Variants in INSR observed in about 807,000 individuals in gnomAD.
INSR encodes IR.
In INSR, 67 loss-of-function variants were observed where a neutral mutation model predicts 142.6. That is an observed-to-expected ratio of 0.47 (90% CI 0.39 to 0.58). INSR has a LOEUF of 0.58. INSR is among the 20% of genes least tolerant of loss of function. INSR has a pLI of 0.00. For synonymous variants in INSR, 756 were observed against 743.1 expected (o/e 1.02, Z -0.28); for missense variants, 1,248 against 1,833.2 (o/e 0.68, Z 5.83).
rs1289959291 is a variant in INSR, at chr19:7,225,640, A to G, written c.653-41003T>C. ...GTCTAGGGACGTGGTTTTTGTCGGTAGCATGGCAGTGTCAAACCACAGAGC... is the reference window on the plus strand; with the variant it reads ...GTCTAGGGACGTGGTTTTTGTCGGTGGCATGGCAGTGTCAAACCACAGAGC... On this transcript the variant is annotated intron_variant, in intron 2 of 21. Coordinates refer to ENST00000302850, the MANE Select transcript of INSR (RefSeq NM_000208.4). The surrounding 1 kb of genome is among the most constrained non-coding windows in gnomAD (Gnocchi z 4.7). 6.6e-6 allele frequency among the ~76,000 whole-genome samples: 1 copy of G among 152,150 alleles called. No individual in the cohort carries two copies. The highest frequency in any genetic ancestry group is 2.4e-5 in the African/African-American group (1 of 41,446).
intron 2 of INSR, among the ~76,000 whole-genome samples, chr19:7,233,668 C>CTTTTTTTTTTTTTT (rs35763064): frequency 2.5e-4 from 18 of 72,408 alleles, no homozygotes; most frequent in Non-Finnish European, 3.6e-4. Context: ...CTTTTTCTGT[C>CTTTTTTTTTTTTTT]TTTTTTTTTT....
intron 2 of INSR, among the ~76,000 whole-genome samples, chr19:7,244,092 C>G (rs1458701669): frequency 6.6e-6 from 1 of 152,100 alleles, no homozygotes; most frequent in Non-Finnish European, 1.5e-5. Context: ...ACCTACCAAT[C>G]AATTTCACTA....
chr19:7,180,573 G>A (rs1287564638), intron 3 of INSR, among the ~76,000 whole-genome samples: 2 of 149,128 alleles, frequency 1.3e-5, no homozygotes, highest in Admixed American at 6.7e-5. Flanking sequence ...GTGACAAATC[G>A]AAGAGTTAAA....
chr19:7,161,507 C>G (rs1973748065), intron 9 of INSR, among the ~76,000 whole-genome samples: 7 of 152,158 alleles, frequency 4.6e-5, no homozygotes, highest in Admixed American at 4.6e-4. Flanking sequence ...ACCTTGGCCT[C>G]CCAATGTGCT....
At chr19:7,234,734 G>C (rs1177386401) in intron 2 of INSR, among the ~76,000 whole-genome samples, 1 of 152,122 alleles carries the variant, frequency 6.6e-6, no homozygotes, top group African/African-American at 2.4e-5. Context: ...CTCCCATCAT[G>C]AAAACAAGGG....
rs1975426147 is a variant in INSR, at chr19:7,216,132, G to A, written c.653-31495C>T. Among the ~76,000 whole-genome samples, 1 of 151,952 alleles carries A rather than the reference G, an allele frequency of 6.6e-6. No homozygotes were observed. On this transcript the variant is annotated intron_variant, in intron 2 of 21. Transcript: ENST00000302850. The surrounding 1 kb of genome is among the most constrained non-coding windows in gnomAD (Gnocchi z 4.2). The stretch of plus-strand genomic sequence containing the variant: ...GAGGTCAGGAGTTCTAGATCAGCCT[G>A]ACCAACATGGTGAAACCCCGTCTCT...
intron 9 of INSR, among the ~76,000 whole-genome samples, chr19:7,153,410 T>TACCACACACCACACACACCACACAAA (rs2144898939): frequency 4.6e-5 from 1 of 21,968 alleles, no homozygotes; most frequent in East Asian, 6.1e-4. Context: ...ACATACACAC[T>TACCACACACCACACACACCACACAAA]TCACACACAC....
intron 2 of INSR, among the ~76,000 whole-genome samples, chr19:7,242,848 G>A (rs1976401276): frequency 6.6e-6 from 1 of 151,384 alleles, no homozygotes; most frequent in African/African-American, 2.4e-5. Flanking sequence ...GAAAATTTTG[G>A]CCTAAAAAAA....
chr19:7,205,932 C>T (rs1975095169), intron 2 of INSR, among the ~76,000 whole-genome samples: 1 of 152,192 alleles, frequency 6.6e-6, no homozygotes, highest in South Asian at 2.1e-4. Flanking sequence ...CAATAGCCAG[C>T]ACGTGGAGTG....
In INSR at chr19:7,125,188, C is replaced by T; in HGVS notation, c.3258+95G>A. On this transcript the variant is annotated intron_variant, in intron 17 of 21. Transcript: ENST00000302850. The surrounding 1 kb of genome is among the most constrained non-coding windows in gnomAD (Gnocchi z 4.9). Reference sequence around the variant, plus strand: ...GGAGTGAGGGGTGGGTAGGAGGTTACACCCTGTGTCCTCTGTCGCTCTGTG... The same window carrying T: ...GGAGTGAGGGGTGGGTAGGAGGTTATACCCTGTGTCCTCTGTCGCTCTGTG... 3 of 1,494,988 alleles carry T rather than the reference C, an allele frequency of 2.0e-6. No individual in the cohort carries two copies. Among genetic ancestry groups the T allele is most frequent in the Non-Finnish European group, 2.8e-6 (3 of 1,082,702 alleles). 92.6% of individuals were successfully genotyped at this position (1,494,988 alleles called of 1,614,324 possible).
chr19:7,135,463 G>A (rs138958216), intron 13 of INSR, among the ~76,000 whole-genome samples: 1,582 of 149,406 alleles, frequency 0.011, 13 homozygotes, highest in Non-Finnish European at 0.017. Context: ...TTATAGGCGT[G>A]TGCCACAAAG....
At chr19:7,217,968 G>C (rs2145090892) in intron 2 of INSR, among the ~76,000 whole-genome samples, 1 of 152,358 alleles carries the variant, frequency 6.6e-6, no homozygotes, top group East Asian at 1.9e-4. Context: ...GAATGGAACA[G>C]AATGTGGCAC....
In INSR at chr19:7,291,201, T is replaced by TG. The variant is rs1968486170; in HGVS notation, c.100+2590dup. Among the ~76,000 whole-genome samples, 3 of 152,194 alleles carry TG rather than the reference T, an allele frequency of 2.0e-5. No individual in the cohort carries two copies. The South Asian group carries it at 6.2e-4, about 31-fold the overall frequency. On this transcript the variant is annotated intron_variant, in intron 1 of 21. Coordinates refer to ENST00000302850, the MANE Select transcript of INSR (RefSeq NM_000208.4). ...ATTTTGTTCACCATCACCCCAATCG[T>TG]GGGGGGTACGGAGGCTCGGACTCAA...
At chr19:7,197,337 T>TGAGA (rs397716749) in intron 2 of INSR, among the ~76,000 whole-genome samples, 14 of 151,690 alleles carry the variant, frequency 9.2e-5, no homozygotes, top group African/African-American at 3.4e-4. Flanking sequence ...AGTGAGTGAG[T>TGAGA]AAGCGAGTGA....
chr19:7,213,501 T>G (rs1407610260), intron 2 of INSR, among the ~76,000 whole-genome samples: 1 of 152,186 alleles, frequency 6.6e-6, no homozygotes, highest in Non-Finnish European at 1.5e-5. Context: ...GTCCTTTATT[T>G]ATCAAGCCAA....
At chr19:7,184,671 T>TAAAA in intron 2 of INSR, 34 bp from the exon 3 acceptor site, 4 of 799,878 alleles carry the variant, frequency 5.0e-6, no homozygotes, top group African/African-American at 6.3e-5. Context: ...GGGAAATAAA[T>TAAAA]AAATAAATAA....
intron 9 of INSR, among the ~76,000 whole-genome samples, chr19:7,158,355 G>A (rs1973660786): frequency 6.6e-6 from 1 of 151,994 alleles, no homozygotes; most frequent in Non-Finnish European, 1.5e-5. Context: ...CAAAAAATTA[G>A]CCGGGCGTGG....
intron 2 of INSR, among the ~76,000 whole-genome samples, chr19:7,198,578 C>T (rs888340124): frequency 1.3e-5 from 2 of 152,016 alleles, no homozygotes; most frequent in Admixed American, 6.6e-5. Flanking sequence ...AGGCCTCCCT[C>T]GGGAGGGGTC....
chr19:7,280,681 C>T (rs1285083081), intron 1 of INSR, among the ~76,000 whole-genome samples: 8 of 151,572 alleles, frequency 5.3e-5, no homozygotes, highest in Non-Finnish European at 8.8e-5. Flanking sequence ...CATGCCATTG[C>T]ACTCCAGCCT....
Sources: allele counts gnomAD v4.1 joint callset (sites outside exome capture counted in the v4.1 genomes callset), GRCh38; gene constraint gnomAD v4.1.1; non-coding constraint Gnocchi (gnomAD v3.1); transcripts MANE v1.5; gene names NCBI Gene and HGNC (gene_info 2026-07-23, HGNC 2026-07-21).